Variants in MYO15B observed in about 807,000 individuals in gnomAD.
MYO15B encodes myosin XVB, also known as myosin XVB pseudogene.
MYO15B carries 207 observed loss-of-function variants against 119.3 expected under a neutral mutation model. The observed-to-expected ratio is 1.73, with a 90% CI of 1.55 to 1.95. MYO15B has a LOEUF of 1.95. Ranked by LOEUF, MYO15B falls within the 30% of genes most tolerant of loss-of-function variation. The pLI is 0.00. For missense variants in MYO15B, 2,264 were observed against 1,203.1 expected (o/e 1.88, Z -13.04); for synonymous variants, 966 against 498.9 (o/e 1.94, Z -12.48).
chr17:75,590,464 C>T, intron 1 of MYO15B, 162 bp from the exon 2 acceptor site: 1 of 395,356 alleles, frequency 2.5e-6, no homozygotes, highest in Non-Finnish European at 4.5e-6. Flanking sequence ...AGAGCCAGCC[C>T]TCCTTGTAGC....
chr17:75,625,301 TG>T, intron 60 of MYO15B, 63 bp downstream of exon 60: 1 of 654,176 alleles, frequency 1.5e-6, no homozygotes, highest in East Asian at 2.7e-5. Flanking sequence ...GCCATTTGAC[TG>T]GTACCCTTCC....
chr17:75,624,140 G>A lies in MYO15B; in HGVS notation c.8273-35G>A, dbSNP rs772782156. On this transcript the variant is annotated intron_variant, in intron 55 of 63. Coordinates refer to ENST00000645453, the Ensembl canonical transcript of MYO15B. ...GAACTTGGTGGGCTTGGGGAGACAT[G>A]GCCATCTCATAACCCCAGGCTGGCT... The A allele has an allele frequency of 1.0e-5, 7 of 702,746 alleles. No homozygotes were observed. In the South Asian group the frequency reaches 1.0e-4, roughly 10 times the overall value. The allele number at this position is 702,746 out of a possible 1,614,324, so 43.5% of individuals were successfully genotyped here.
intron 22 of MYO15B, 63 bp from the exon 23 acceptor site, chr17:75,610,837 G>T: frequency 1.4e-6 from 1 of 702,262 alleles, no homozygotes; most frequent in South Asian, 1.5e-5. Context: ...CTTCAGAGCT[G>T]GGGAGGTGCC....
exon 45 of MYO15B, chr17:75,619,442 G>C (rs2058570815): frequency 1.4e-6 from 1 of 702,570 alleles, no homozygotes; most frequent in Non-Finnish European, 2.6e-6. Flanking sequence ...CGGGACAACT[G>C]GGCCAATTAC....
intron 6 of MYO15B, 62 bp from the exon 7 acceptor site, chr17:75,592,176 C>T (rs1036688017): frequency 1.4e-6 from 1 of 701,176 alleles, no homozygotes; most frequent in Non-Finnish European, 2.6e-6. Flanking sequence ...AGGGCTTCTT[C>T]TGCACGGGGC....
At chr17:75,588,956 C>T in exon 1 of MYO15B, 1 of 398,210 alleles carries the variant, frequency 2.5e-6, no homozygotes, top group Non-Finnish European at 4.4e-6. Context: ...GCCCGGGCTC[C>T]GCGCCACCAG....
intron 8 of MYO15B, 29 bp from the exon 9 acceptor site, chr17:75,592,650 C>T (rs936215115): frequency 2.5e-5 from 17 of 678,462 alleles, no homozygotes; most frequent in African/African-American, 2.5e-4. Flanking sequence ...TGGCAGGCCC[C>T]GCTCCCTCAC....
chr17:75,591,973 A>G lies in MYO15B; in HGVS notation c.2548-4A>G, dbSNP rs1464321017. On this transcript the variant is annotated splice_polypyrimidine_tract_variant and splice_region_variant and intron_variant, in intron 5 of 63. Transcript: ENST00000645453. ...GGGATGCTTGAACACCCCTCCCTGT[A>G]CAGGTGGAGGATATGCTGCCTATAC... 7.1e-6 allele frequency: 5 copies of G among 702,170 alleles called. No individual in the cohort carries two copies. In the East Asian group the frequency reaches 1.3e-4, roughly 19 times the overall value. The allele number at this position is 702,170 out of a possible 1,614,324, so 43.5% of individuals were successfully genotyped here.
At chr17:75,612,663 CAAAA>C (rs11336364) in intron 25 of MYO15B, 131 bp from the exon 26 acceptor site, 102 of 523,106 alleles carry the variant, frequency 1.9e-4, no homozygotes, top group East Asian at 4.7e-4. Flanking sequence ...GACTCTGCCT[CAAAA>C]AAAAAAAAAA....
At position 75,590,887 on chromosome 17, in the gene MYO15B, G is replaced by C. The variant is rs573808241; in HGVS notation, c.2251-20G>C. Reference sequence around the variant, plus strand: ...CCCTGCTCCCTCCACACTCTGATGAGAGCTTGTTTTCCTCCCCAGACCTTT... The same window carrying C: ...CCCTGCTCCCTCCACACTCTGATGACAGCTTGTTTTCCTCCCCAGACCTTT... On this transcript the variant is annotated intron_variant, in intron 2 of 63. Transcript: ENST00000645453. The C allele has an allele frequency of 2.4e-6, 1 of 425,182 alleles. No homozygotes were observed. The highest frequency in any genetic ancestry group is 4.4e-6 in the Non-Finnish European group (1 of 229,172). The allele number at this position is 425,182 out of a possible 1,614,324, so 26.3% of individuals were successfully genotyped here.
intron 19 of MYO15B, 46 bp downstream of exon 19, chr17:75,603,358 G>A: frequency 2.9e-6 from 2 of 698,274 alleles, no homozygotes; most frequent in South Asian, 3.0e-5. Context: ...AGGCCACCGG[G>A]AGTGACTGGC....
At chr17:75,613,677 C>T (rs951471767) in intron 28 of MYO15B, 28 bp from the exon 29 acceptor site, 2 of 700,310 alleles carry the variant, frequency 2.9e-6, no homozygotes, top group African/African-American at 3.5e-5. Flanking sequence ...GTCCCTCACT[C>T]TTGCCCCCGC....
In MYO15B at chr17:75,593,656, A is replaced by T. The variant is rs181010901; in HGVS notation, c.2991+816A>T. 1.4e-3 allele frequency among the ~76,000 whole-genome samples: 216 copies of T among 151,282 alleles called. 2 individuals are homozygous for T. The highest frequency in any genetic ancestry group is 4.0e-4 in the Non-Finnish European group (27 of 67,890). On this transcript the variant is annotated intron_variant, in intron 9 of 63. Transcript: ENST00000645453. ...CAAAACAGACTGGGCGTGGTGGCTCATGCCTGTAATCCCAGCACACTGGGA... is the reference window on the plus strand; with the variant it reads ...CAAAACAGACTGGGCGTGGTGGCTCTTGCCTGTAATCCCAGCACACTGGGA...
chr17:75,624,234 C>G (rs539990499), exon 56 of MYO15B: 37 of 702,864 alleles, frequency 5.3e-5, no homozygotes, highest in South Asian at 5.2e-4. Context: ...GGGGCGCCGG[C>G]GGATGCCCCC....
rs1035351559 is a variant in MYO15B at position 75,613,788 on chromosome 17, C to G, written c.5219+11C>G. On this transcript the variant is annotated intron_variant, in intron 29 of 63. Coordinates refer to ENST00000645453, the Ensembl canonical transcript of MYO15B. ...GATCCTGCAGAGCAGGTATGGGGAC[C>G]GGGGATGGGGGACAGTGTGGCCAAA... is the stretch of plus-strand genomic sequence containing the variant. 1 of 698,950 alleles carries G rather than the reference C, an allele frequency of 1.4e-6. No individual in the cohort carries two copies. Among genetic ancestry groups the G allele is most frequent in the East Asian group, 2.7e-5 (1 of 37,250 alleles). 43.3% of individuals were successfully genotyped at this position (698,950 alleles called of 1,614,324 possible).
chr17:75,616,325 C>G, exon 38 of MYO15B: 1 of 606,610 alleles, frequency 1.6e-6, no homozygotes, highest in Non-Finnish European at 2.9e-6. Flanking sequence ...AGCCACAGAT[C>G]ACAGTGAGGA....
rs1372690659 is a variant in MYO15B at position 75,589,614 on chromosome 17, C to T, written c.1557C>T (p.Ser519=). ...CGAGGGCTTCCCCTGGTGGCCGCTC[C>T]CCGCAGGTCCCGACAAGCCCAGTCC... Residue 519 remains serine (S), a synonymous_variant, in exon 1 of 64, where the codon TCC becomes TCT. Coordinates refer to ENST00000645453, the Ensembl canonical transcript of MYO15B. This position sits in a 1 kb window ranked among gnomAD's most constrained non-coding sequence, Gnocchi z 4.2. 1.8e-4 allele frequency: 70 copies of T among 398,756 alleles called. No homozygotes were observed. The East Asian group carries it at 2.5e-3, about 14-fold the overall frequency. 24.7% of individuals were successfully genotyped at this position (398,756 alleles called of 1,614,324 possible).
chr17:75,617,415 T>C, intron 41 of MYO15B, 111 bp downstream of exon 41: 1 of 568,350 alleles, frequency 1.8e-6, no homozygotes, highest in South Asian at 2.2e-5. Context: ...TGAGGCCAGC[T>C]GTTCGGGCTT....
intron 5 of MYO15B, 70 bp downstream of exon 5, chr17:75,591,782 C>T (rs777354238): frequency 1.4e-6 from 1 of 701,140 alleles, no homozygotes; most frequent in African/African-American, 1.7e-5. Flanking sequence ...GACAGCTGAC[C>T]ATGTCCAAGG....
Sources: allele counts gnomAD v4.1 joint callset (sites outside exome capture counted in the v4.1 genomes callset), GRCh38; gene constraint gnomAD v4.1.1; non-coding constraint Gnocchi (gnomAD v3.1); transcripts MANE v1.5; gene names NCBI Gene and HGNC (gene_info 2026-07-23, HGNC 2026-07-21).